RIMS2: variants seen among roughly 807,000 people sequenced by gnomAD.
RIMS2 encodes the protein regulating synaptic membrane exocytosis 2.
RIMS2 carries 59 observed loss-of-function variants against 174.4 expected under a neutral mutation model. The ratio of observed to expected loss-of-function variants is 0.34; its 90% CI spans 0.27 to 0.42. The LOEUF (loss-of-function observed/expected upper bound fraction) is 0.42, where lower values mean the gene tolerates loss of function less well. RIMS2 is among the 10% of genes least tolerant of loss of function. RIMS2 has a pLI of 1.00. For missense variants in RIMS2, 1,620 were observed against 1,666.3 expected, an observed-to-expected ratio of 0.97 and a Z score of 0.48; for synonymous variants, 606 against 572.5, an observed-to-expected ratio of 1.06 and a Z score of -0.84.
chr8:103,588,151 A>C (rs1180617617), intron 1 of RIMS2, among the ~76,000 whole-genome samples: 1 of 151,862 alleles, frequency 6.6e-6, no homozygotes, highest in Non-Finnish European at 1.5e-5. Context: ...CTATTTACAA[A>C]AGTGACAAGT....
intron 1 of RIMS2, among the ~76,000 whole-genome samples, chr8:103,687,288 ATC>A (rs1260492909): frequency 2.0e-5 from 3 of 151,422 alleles, no homozygotes; most frequent in Non-Finnish European, 4.4e-5. Flanking sequence ...TTCTGTTGTA[ATC>A]TCTGTCATTC....
chr8:103,745,682 C>G (rs954521631), intron 2 of RIMS2, among the ~76,000 whole-genome samples: 1 of 152,136 alleles, frequency 6.6e-6, no homozygotes, highest in African/African-American at 2.4e-5. Context: ...GAAGTGGTAT[C>G]TCATTATGGC....
intron 4 of RIMS2, among the ~76,000 whole-genome samples, chr8:103,898,739 T>C (rs1461782143): frequency 2.0e-5 from 3 of 151,588 alleles, no homozygotes; most frequent in Non-Finnish European, 4.4e-5. Context: ...TTTTTATTAT[T>C]ATACTTTAAG....
intron 1 of RIMS2, among the ~76,000 whole-genome samples, chr8:103,670,792 A>C (rs1258274412): frequency 6.6e-6 from 1 of 152,186 alleles, no homozygotes; most frequent in Non-Finnish European, 1.5e-5. Context: ...CCATTCAACA[A>C]GTCTCTAGGA....
intron 1 of RIMS2, among the ~76,000 whole-genome samples, chr8:103,572,177 C>T (rs1215762742): frequency 6.6e-6 from 1 of 152,092 alleles, no homozygotes; most frequent in Non-Finnish European, 1.5e-5. Flanking sequence ...TGCAGACCTT[C>T]TTAGCAAGTG....
intron 3 of RIMS2, among the ~76,000 whole-genome samples, chr8:103,770,659 GTGT>G (rs1449885394): frequency 6.6e-6 from 1 of 151,860 alleles, no homozygotes; most frequent in East Asian, 1.9e-4. Flanking sequence ...AGTTCTCTTA[GTGT>G]TGTTGAAATT....
chr8:103,531,726 G>T (rs1837257142), intron 1 of RIMS2, among the ~76,000 whole-genome samples: 1 of 152,184 alleles, frequency 6.6e-6, no homozygotes, highest in Admixed American at 6.5e-5. Context: ...TAATAAACTA[G>T]TAAATGTTTT....
At chr8:103,585,126 CAA>C (rs1356247455) in intron 1 of RIMS2, among the ~76,000 whole-genome samples, 4 of 152,084 alleles carry the variant, frequency 2.6e-5, no homozygotes, top group African/African-American at 7.2e-5. Context: ...ATGCGGCCAA[CAA>C]ACATATGAAA....
chr8:104,216,843 T>C lies in RIMS2; in HGVS notation c.3335-28073T>C, dbSNP rs138499880. On this transcript the variant is annotated intron_variant, in intron 19 of 23. Transcript: ENST00000504942. ...CCAGTGACTAGAATAGTGCCTGGCATGTGGTAAGCACTCAAGAAATATTTA... is the reference window on the plus strand; with the variant it reads ...CCAGTGACTAGAATAGTGCCTGGCACGTGGTAAGCACTCAAGAAATATTTA... Among the ~76,000 whole-genome samples the C allele has an allele frequency of 4.5e-3, 691 of 152,314 alleles. 9 individuals are homozygous for C. Among genetic ancestry groups the C allele is most frequent in the African/African-American group, 0.016 (650 of 41,572 alleles).
intron 3 of RIMS2, among the ~76,000 whole-genome samples, chr8:103,814,736 A>G (rs1434512040): frequency 1.3e-5 from 2 of 152,074 alleles, no homozygotes; most frequent in Non-Finnish European, 2.9e-5. Context: ...AAAATTATTC[A>G]GGCATGATGG....
intron 19 of RIMS2, among the ~76,000 whole-genome samples, chr8:104,165,464 G>T (rs1353229279): frequency 6.6e-6 from 1 of 151,436 alleles, no homozygotes; most frequent in African/African-American, 2.4e-5. Flanking sequence ...ATTGTAAAAT[G>T]TCATATAAAT....
intron 19 of RIMS2, among the ~76,000 whole-genome samples, chr8:104,213,888 A>AAAG (rs762065499): frequency 0.018 from 2,664 of 148,102 alleles, 46 homozygotes; most frequent in African/African-American, 0.017. Context: ...AAAAAAAAAA[A>AAAG]AAGAAGAAGA....
intron 2 of RIMS2, among the ~76,000 whole-genome samples, chr8:103,739,057 C>G (rs181972827): frequency 2.0e-5 from 3 of 152,122 alleles, no homozygotes; most frequent in African/African-American, 4.8e-5. Flanking sequence ...ATAAATCATG[C>G]GGCTATAAAG....
At position 103,910,141 on chromosome 8, in the gene RIMS2, G is replaced by A. The variant is rs2075369546; in HGVS notation, c.1632G>A (p.Met544Ile). The stretch of plus-strand genomic sequence containing the variant: ...TTTGTCTGACTCTCACAGGAGACAT[G>A]GATTACAACTGGTTGGATCATACGT... Residue 544 changes from methionine (M) to isoleucine (I), a missense_variant, in exon 5 of 24, where the codon ATG (methionine) becomes ATA (isoleucine). By Grantham distance (10) the Met-to-Ile change is conservative (BLOSUM62 1). Coordinates refer to ENST00000504942, the Ensembl canonical transcript of RIMS2. 3 of 1,607,278 alleles carry A rather than the reference G, an allele frequency of 1.9e-6. No individual in the cohort carries two copies. The East Asian group carries it at 6.7e-5, about 36-fold the overall frequency.
intron 1 of RIMS2, among the ~76,000 whole-genome samples, chr8:103,690,956 A>T (rs1462824079): frequency 6.6e-6 from 1 of 152,112 alleles, no homozygotes; most frequent in African/African-American, 2.4e-5. Flanking sequence ...TTTGAAGGAT[A>T]TTTTTACTGG....
intron 1 of RIMS2, among the ~76,000 whole-genome samples, chr8:103,654,981 T>G (rs934590006): frequency 3.3e-5 from 5 of 151,904 alleles, no homozygotes; most frequent in African/African-American, 1.2e-4. Context: ...TTGCGGTTGT[T>G]GAAAAATCTA....
intron 1 of RIMS2, among the ~76,000 whole-genome samples, chr8:103,503,745 A>G (rs1386620398): frequency 6.6e-6 from 1 of 151,986 alleles, no homozygotes; most frequent in Non-Finnish European, 1.5e-5. Context: ...AAGTGGAGAG[A>G]AAGAAGGAAT....
chr8:104,090,274 G>A (rs1432199164), intron 19 of RIMS2, among the ~76,000 whole-genome samples: 1 of 151,654 alleles, frequency 6.6e-6, no homozygotes, highest in Non-Finnish European at 1.5e-5. Context: ...CAGCAAATTG[G>A]ATGATCTGAG....
At chr8:103,924,311 G>T (rs1226429325) in intron 10 of RIMS2, among the ~76,000 whole-genome samples, 1 of 151,568 alleles carries the variant, frequency 6.6e-6, no homozygotes, top group African/African-American at 2.4e-5. Context: ...GCTAGTCACT[G>T]CAAATACAAG....
Sources: gnomAD v4.1 joint callset for allele counts (sites outside exome capture counted in the v4.1 genomes callset) on GRCh38, gnomAD v4.1.1 for gene constraint, MANE v1.5 for transcripts, NCBI Gene and HGNC (gene_info 2026-07-23, HGNC 2026-07-21) for gene names.